HAT1: variants seen among roughly 807,000 people sequenced by gnomAD.
The protein encoded by HAT1 is histone acetyltransferase type B catalytic subunit.
In HAT1, 20 loss-of-function variants were observed where a neutral mutation model predicts 56.6. That is an observed-to-expected ratio of 0.35 (90% CI 0.25 to 0.51). The LOEUF (loss-of-function observed/expected upper bound fraction) is 0.51, where lower values mean the gene tolerates loss of function less well. Ranked by LOEUF, HAT1 falls within the 20% of genes least tolerant of loss-of-function variation. HAT1 has a pLI of 0.95. For synonymous variants in HAT1, 146 were observed against 165.5 expected, an observed-to-expected ratio of 0.88 and a Z score of 0.91; for missense variants, 408 against 504.3, an observed-to-expected ratio of 0.81 and a Z score of 1.83.
At chr2:171,960,453 T>A (rs1687545393) in intron 4 of HAT1, among the ~76,000 whole-genome samples, 1 of 152,230 alleles carries the variant, frequency 6.6e-6, no homozygotes, top group African/African-American at 2.4e-5. Flanking sequence ...TTGCAGATCA[T>A]ACTGCATAGA....
In HAT1 at chr2:171,960,877, C is replaced by T. The variant is rs138068906; in HGVS notation, c.310-4461C>T. ...AAAAAAAATGCTGAACGTGGTGGCTCAAACCTGTAATCCCAGCGCTTTGGG... is the reference window on the plus strand; with the variant it reads ...AAAAAAAATGCTGAACGTGGTGGCTTAAACCTGTAATCCCAGCGCTTTGGG... On this transcript the variant is annotated intron_variant, in intron 4 of 10. Transcript: ENST00000264108. Among the ~76,000 whole-genome samples the T allele has an allele frequency of 2.0e-3, 311 of 152,054 alleles. 1 individual carries two copies. Among genetic ancestry groups the T allele is most frequent in the Non-Finnish European group, 1.8e-3 (125 of 67,982 alleles).
At position 171,983,373 on chromosome 2, in the gene HAT1, G is replaced by T; in HGVS notation, c.*21G>T. On this transcript the variant is annotated 3_prime_UTR_variant, in exon 11 of 11. Transcript: ENST00000264108. Reference sequence around the variant, plus strand: ...AGTAAAGATTATACTGCTCTGTACAGGAAGCTTGCAAATTTTCTGTACAAT... The same window carrying T: ...AGTAAAGATTATACTGCTCTGTACATGAAGCTTGCAAATTTTCTGTACAAT... The T allele has an allele frequency of 7.1e-7, 1 of 1,407,096 alleles. No individual in the cohort carries two copies. The highest frequency in any genetic ancestry group is 2.5e-5 in the Admixed American group (1 of 40,756). 87.2% of individuals were successfully genotyped at this position (1,407,096 alleles called of 1,614,324 possible).
In HAT1 at chr2:171,943,347, G is replaced by A. The variant is rs1336568373; in HGVS notation, c.113-3361G>A. The stretch of plus-strand genomic sequence containing the variant: ...AATCACTTGAACCCGGGAGGCAGAG[G>A]TTGCAGTGAGCCGAGATCATGCAAT... On this transcript the variant is annotated intron_variant, in intron 2 of 10. Coordinates refer to ENST00000264108, the MANE Select transcript of HAT1 (RefSeq NM_003642.4). 3.8e-5 allele frequency among the ~76,000 whole-genome samples: 5 copies of A among 132,388 alleles called. No individual in the cohort carries two copies. In the East Asian group the frequency reaches 1.2e-3, roughly 33 times the overall value. The allele number at this position is 132,388 out of a possible 152,430, so 86.9% of individuals were successfully genotyped here. A position where few individuals can be genotyped will look rare whatever the true frequency, so the allele number is the denominator to read the frequency against.
chr2:171,922,619 C>A, intron 1 of HAT1, 112 bp downstream of exon 1: 2 of 911,474 alleles, frequency 2.2e-6, no homozygotes, highest in South Asian at 4.8e-5. Context: ...AGCCTGGGTT[C>A]CAGAAGGCCT....
rs1046538431 is a variant in HAT1 at position 171,954,310 on chromosome 2, T to C, written c.309+1309T>C. ...CACAAATTTTGCTAATATATTCCTT[T>C]ATGGATGGAATACATGGATGATCAA... On this transcript the variant is annotated intron_variant, in intron 4 of 10. Coordinates refer to ENST00000264108, the MANE Select transcript of HAT1 (RefSeq NM_003642.4). Among the ~76,000 whole-genome samples the C allele has an allele frequency of 5.9e-5, 9 of 152,326 alleles. No individual in the cohort carries two copies. The East Asian group carries it at 1.5e-3, about 26-fold the overall frequency.
rs1403352117 is a variant in HAT1 at position 171,965,475 on chromosome 2, C to T, written c.447C>T (p.Leu149=). ...CCTTACTTCATACCTACTCAGTTCT[C>T]AGTCCAACAGGAGGAGAAAACTTTA... The part of the protein sequence containing the change: ...FGTLLHTYSV[L]SPTGGENFTF... The change falls in exon 5 of 11, where the codon CTC becomes CTT. Residue 149 remains leucine, a synonymous_variant. Coordinates refer to ENST00000264108, the MANE Select transcript of HAT1 (RefSeq NM_003642.4). 1 of 1,605,300 alleles carries T rather than the reference C, an allele frequency of 6.2e-7. No homozygotes were observed. The highest frequency in any genetic ancestry group is 8.5e-7 in the Non-Finnish European group (1 of 1,174,784).
chr2:171,937,336 G>A (rs529556091), intron 2 of HAT1, among the ~76,000 whole-genome samples: 1 of 152,330 alleles, frequency 6.6e-6, no homozygotes, highest in South Asian at 2.1e-4. Context: ...GAACTAGGAA[G>A]TATATGAACT....
Position 171,953,760 on chromosome 2 carries a change from C to T in HAT1, c.309+759C>T, listed in dbSNP as rs1284132230. Among the ~76,000 whole-genome samples, 8 of 151,576 alleles carry T rather than the reference C, an allele frequency of 5.3e-5. No individual in the cohort carries two copies. The East Asian group carries it at 1.6e-3, about 30-fold the overall frequency. ...CTATAATCCCAGCACTTTGGGAGGC[C>T]AAGGTGGGCGGATCACCTGAGGCCA... On this transcript the variant is annotated intron_variant, in intron 4 of 10. Transcript: ENST00000264108.
chr2:171,940,486 T>A (rs1031072114), intron 2 of HAT1, among the ~76,000 whole-genome samples: 1 of 152,212 alleles, frequency 6.6e-6, no homozygotes. Context: ...ACGACAAATG[T>A]CCTTAGCAGC....
chr2:171,923,467 G>A (rs1336705558), intron 1 of HAT1: 1 of 152,140 alleles, frequency 6.6e-6, no homozygotes, highest in African/African-American at 2.4e-5. Flanking sequence ...TAGAGACAGA[G>A]TCTGGCTGTA....
chr2:171,946,615 T>C, intron 2 of HAT1, 93 bp from the exon 3 acceptor site: 1 of 751,526 alleles, frequency 1.3e-6, no homozygotes, highest in Admixed American at 2.4e-5. Context: ...GGCTGTATCC[T>C]AGTTATACTG....
intron 2 of HAT1, 25 bp downstream of exon 2, chr2:171,925,666 G>T (rs753966291): frequency 1.1e-6 from 1 of 920,668 alleles, no homozygotes; most frequent in South Asian, 1.3e-5. Context: ...TCTAAGTGAT[G>T]TTATGTACAT....
At chr2:171,927,796 G>A (rs1415042063) in intron 2 of HAT1, among the ~76,000 whole-genome samples, 1 of 151,870 alleles carries the variant, frequency 6.6e-6, no homozygotes, top group Non-Finnish European at 1.5e-5. Flanking sequence ...CGCCATGTTG[G>A]TCAGTCTGTC....
intron 2 of HAT1, among the ~76,000 whole-genome samples, chr2:171,937,260 T>C (rs1296836230): frequency 6.6e-6 from 1 of 152,254 alleles, no homozygotes; most frequent in South Asian, 2.1e-4. Flanking sequence ...TTTTGGTTAA[T>C]AAGACATGTA....
At chr2:171,983,161 A>C in intron 10 of HAT1, 24 bp from the exon 11 acceptor site, 1 of 1,430,630 alleles carries the variant, frequency 7.0e-7, no homozygotes, top group Non-Finnish European at 9.5e-7. Context: ...TTCTTCGTCT[A>C]ACAAATAATT....
At chr2:171,922,657 A>C (rs1686468842) in intron 1 of HAT1, 150 bp downstream of exon 1, 1 of 556,526 alleles carries the variant, frequency 1.8e-6, no homozygotes, top group Non-Finnish European at 2.8e-6. Flanking sequence ...CGGAACTCTC[A>C]GCCCAGCAGC....
At position 171,966,453 on chromosome 2, in the gene HAT1, T is replaced by C. The variant is rs554545680; in HGVS notation, c.656T>C (p.Val219Ala). Reference protein sequence around the residue: ...NKDGATLFATVGYMTVYNYYV... With the variant: ...NKDGATLFATAGYMTVYNYYV... ...GATGGAGCTACGCTCTTTGCGACCG[T>C]AGGCTACATGACAGTCTATAATTAC... The change falls in exon 7 of 11, where the codon GTA becomes GCA. Residue 219 changes from valine (V) to alanine (A), a missense_variant. Val to Ala is a moderately conservative substitution (Grantham distance 64). Coordinates refer to ENST00000264108, the MANE Select transcript of HAT1 (RefSeq NM_003642.4). The C allele has an allele frequency of 4.4e-6, 7 of 1,604,236 alleles. No homozygotes were observed. The East Asian group carries it at 1.3e-4, about 31-fold the overall frequency.
chr2:171,937,898 T>TA (rs1686909694), intron 2 of HAT1, among the ~76,000 whole-genome samples: 2 of 152,254 alleles, frequency 1.3e-5, no homozygotes, highest in East Asian at 3.9e-4. Context: ...GGTACACACT[T>TA]ATAGTCTCAG....
At chr2:171,982,559 C>G (rs1291945230) in intron 10 of HAT1, among the ~76,000 whole-genome samples, 1 of 152,174 alleles carries the variant, frequency 6.6e-6, no homozygotes, top group African/African-American at 2.4e-5. Context: ...AAGTTGTTAT[C>G]AGCTACCTGT....
Sources: allele counts gnomAD v4.1 joint callset (sites outside exome capture counted in the v4.1 genomes callset), GRCh38; gene constraint gnomAD v4.1.1; transcripts MANE v1.5; gene names NCBI Gene and HGNC (gene_info 2026-07-23, HGNC 2026-07-21).